The following AFAP1L1 variants were observed in gnomAD, a reference collection of about 807,000 sequenced individuals.
AFAP1L1 encodes the protein actin filament-associated protein 1-like 1.
Under a neutral mutation model 99.8 loss-of-function variants are expected in AFAP1L1, and 77 were observed. The observed-to-expected ratio is 0.77, with a 90% CI of 0.64 to 0.93. The LOEUF (loss-of-function observed/expected upper bound fraction) is 0.93. Among genes scored for constraint, AFAP1L1 ranks in the 40% least tolerant of loss-of-function variants. The probability of loss-of-function intolerance (pLI) is 0.00; values close to 1 mark genes in which losing one functional copy is unlikely to be tolerated. For synonymous variants in AFAP1L1, 373 were observed against 395.3 expected (o/e 0.94, Z 0.67); for missense variants, 893 against 996.8 (o/e 0.90, Z 1.40).
chr5:149,287,123 A>G (rs1425090339), intron 1 of AFAP1L1, among the ~76,000 whole-genome samples: 1 of 152,248 alleles, frequency 6.6e-6, no homozygotes, highest in Non-Finnish European at 1.5e-5. Context: ...AATAGCATGT[A>G]ACAGTCAAAA....
rs1561672922 is a variant in AFAP1L1 at position 149,307,858 on chromosome 5, T to TCTCTCTCTCTCTC, written c.747+245_747+246insCTCTCTCTCTCTC. ...TCTCTCTCTCTCTCTCTCTCTCTCT[T>TCTCTCTCTCTCTC]AAATTTAAAGACCTGGGCTAGGCAC... On this transcript the variant is annotated intron_variant, in intron 7 of 18. Coordinates refer to ENST00000296721, the MANE Select transcript of AFAP1L1 (RefSeq NM_152406.4). Among the ~76,000 whole-genome samples the TCTCTCTCTCTCTC allele has an allele frequency of 4.5e-4, 5 of 11,200 alleles. No individual in the cohort carries two copies. The East Asian group carries it at 7.9e-3, about 18-fold the overall frequency. The allele number at this position is 11,200 out of a possible 152,430, so 7.3% of individuals were successfully genotyped here.
intron 1 of AFAP1L1, among the ~76,000 whole-genome samples, chr5:149,273,827 C>G (rs978551150): frequency 6.6e-6 from 1 of 151,984 alleles, no homozygotes; most frequent in African/African-American, 2.4e-5. Flanking sequence ...CACTCCCCAC[C>G]AGTTTTTAAA....
intron 9 of AFAP1L1, among the ~76,000 whole-genome samples, chr5:149,314,052 A>T (rs1227502802): frequency 2.0e-5 from 3 of 152,198 alleles, no homozygotes; most frequent in Non-Finnish European, 4.4e-5. Flanking sequence ...ATGAGGGAAG[A>T]CGGGCACCTA....
intron 4 of AFAP1L1, 116 bp from the exon 5 acceptor site, chr5:149,302,302 A>G (rs1008450450): frequency 1.6e-6 from 1 of 643,052 alleles, no homozygotes; most frequent in African/African-American, 1.8e-5. Flanking sequence ...TATAAAAGGT[A>G]TGGCTTCACA....
chr5:149,316,431 G>A, intron 11 of AFAP1L1, 128 bp downstream of exon 11: 6 of 1,161,830 alleles, frequency 5.2e-6, no homozygotes, highest in South Asian at 3.0e-5. Flanking sequence ...CAAGCCTACT[G>A]GGAGGCTAAG....
intron 11 of AFAP1L1, among the ~76,000 whole-genome samples, chr5:149,317,407 T>G (rs1255073974): frequency 3.9e-5 from 6 of 152,210 alleles, no homozygotes; most frequent in African/African-American, 1.2e-4. Context: ...TTTCCATCTT[T>G]CAGTAACAGT....
intron 1 of AFAP1L1, among the ~76,000 whole-genome samples, chr5:149,288,144 T>C (rs1286716129): frequency 1.3e-5 from 2 of 152,068 alleles, no homozygotes; most frequent in Non-Finnish European, 2.9e-5. Context: ...TGAACATCAG[T>C]TGGGGAATGG....
At position 149,319,743 on chromosome 5, in the gene AFAP1L1, A is replaced by G. The variant is rs1160826840; in HGVS notation, c.1625+16A>G. The G allele has an allele frequency of 6.2e-7, 1 of 1,609,726 alleles. No homozygotes were observed. The highest frequency in any genetic ancestry group is 1.7e-5 in the Admixed American group (1 of 59,740). On this transcript the variant is annotated intron_variant, in intron 13 of 18. Coordinates refer to ENST00000296721, the MANE Select transcript of AFAP1L1 (RefSeq NM_152406.4). ...ACTCCTTCCTGTAAGTGTCAGCTGCACTGGCCACACCTGCCCAGGACCTTT... is the reference window on the plus strand; with the variant it reads ...ACTCCTTCCTGTAAGTGTCAGCTGCGCTGGCCACACCTGCCCAGGACCTTT...
In AFAP1L1 at chr5:149,341,940, G is replaced by T. The variant is rs1337055228; in HGVS notation, c.*1910G>T. On this transcript the variant is annotated 3_prime_UTR_variant, in exon 19 of 19. Transcript: ENST00000296721. Reference sequence around the variant, plus strand: ...CAGTGTCTGTCATACTCTTTCTTATGCAGTTATTTTGGGGTTAAGTGTCTT... The same window carrying T: ...CAGTGTCTGTCATACTCTTTCTTATTCAGTTATTTTGGGGTTAAGTGTCTT... 6.6e-6 allele frequency: 1 copy of T among 152,100 alleles called. No individual in the cohort carries two copies. The highest frequency in any genetic ancestry group is 1.9e-4 in the East Asian group (1 of 5,196). The allele number at this position is 152,100 out of a possible 1,614,324, so 9.4% of individuals were successfully genotyped here.
intron 1 of AFAP1L1, among the ~76,000 whole-genome samples, chr5:149,299,300 G>A (rs1561667253): frequency 2.6e-5 from 4 of 152,184 alleles, no homozygotes; most frequent in Admixed American, 2.0e-4. Flanking sequence ...GGGGAGACCC[G>A]GAGAAACACC....
intron 3 of AFAP1L1, 25 bp downstream of exon 3, chr5:149,300,379 G>A (rs756068750): frequency 6.3e-7 from 1 of 1,597,426 alleles, no homozygotes; most frequent in South Asian, 1.1e-5. Context: ...CCCAACCTCA[G>A]CTACGGAGCC....
rs1757589027 is a variant in AFAP1L1, at chr5:149,342,705, A to G, written c.*2675A>G. ...AGCGGGTGGATCACTTGAGGTCAGG[A>G]GTTCAAGACCAGCCTGGCCAACATG... On this transcript the variant is annotated 3_prime_UTR_variant, in exon 19 of 19. Coordinates refer to ENST00000296721, the MANE Select transcript of AFAP1L1 (RefSeq NM_152406.4). Among the ~76,000 whole-genome samples the G allele has an allele frequency of 1.3e-5, 2 of 152,196 alleles. No homozygotes were observed. The highest frequency in any genetic ancestry group is 1.3e-4 in the Admixed American group (2 of 15,290).
At chr5:149,296,860 A>G (rs1323658522) in intron 1 of AFAP1L1, among the ~76,000 whole-genome samples, 6 of 152,220 alleles carry the variant, frequency 3.9e-5, no homozygotes, top group Admixed American at 3.3e-4. Flanking sequence ...GAAACTTACA[A>G]TCATGTCAGA....
At chr5:149,306,506 AC>A in intron 6 of AFAP1L1, 102 bp downstream of exon 6, 1 of 1,091,466 alleles carries the variant, frequency 9.2e-7, no homozygotes, top group Non-Finnish European at 1.3e-6. Context: ...CCAGCCCCTC[AC>A]CCAGACCATG....
In AFAP1L1 at chr5:149,320,407, C is replaced by G; in HGVS notation, c.1642C>G (p.Gln548Glu). Residue 548 changes from glutamine to glutamate, a missense_variant, in exon 14 of 19, where the codon CAG (glutamine) becomes GAG (glutamate). By Grantham distance (29) the Gln-to-Glu change is conservative. Transcript: ENST00000296721. The surrounding 1 kb of genome is among the most constrained non-coding windows in gnomAD (Gnocchi z 4.0). The part of the protein sequence containing the change: ...RNSFLYARSC[Q>E]NQWPEPRVYD... ...ATTTTCTAGATATGCAAGATCCTGC[C>G]AGAATCAGTGGCCTGAGCCCCGAGT... The G allele has an allele frequency of 6.2e-7, 1 of 1,614,124 alleles. No homozygotes were observed. The highest frequency in any genetic ancestry group is 8.5e-7 in the Non-Finnish European group (1 of 1,180,016).
In AFAP1L1 at chr5:149,312,118, C is replaced by G. The variant is rs376857041; in HGVS notation, c.934C>G (p.Arg312Gly). ...CTGTGTGTCCTCTTCACAGGTCATC[C>G]GAGAAGTGAGCAAGCCAGTTGGGGG... ...EQAEEWLKVI[R>G]EVSKPVGGAE... is the part of the protein sequence containing the mutation. The change falls in exon 9 of 19, where the codon CGA (arginine) becomes GGA (glycine). Residue 312 changes from arginine (R) to glycine (G), a missense_variant. By Grantham distance (125) the Arg-to-Gly change is moderately radical. Coordinates refer to ENST00000296721, the MANE Select transcript of AFAP1L1 (RefSeq NM_152406.4). 1 of 1,613,420 alleles carries G rather than the reference C, an allele frequency of 6.2e-7. No homozygotes were observed. Among genetic ancestry groups the G allele is most frequent in the Admixed American group, 1.7e-5 (1 of 60,018 alleles).
intron 3 of AFAP1L1, among the ~76,000 whole-genome samples, 164 bp from the exon 4 acceptor site, chr5:149,300,969 C>T (rs1427961107): frequency 2.0e-5 from 3 of 152,228 alleles, no homozygotes; most frequent in African/African-American, 7.2e-5. Flanking sequence ...CCACCACGTA[C>T]AGATGAGTTT....
chr5:149,287,375 G>A (rs952908137), intron 1 of AFAP1L1, among the ~76,000 whole-genome samples: 1 of 152,096 alleles, frequency 6.6e-6, no homozygotes, highest in African/African-American at 2.4e-5. Context: ...AGGCAGGAGG[G>A]CGGGATCATA....
chr5:149,276,082 T>C (rs563275135), intron 1 of AFAP1L1, among the ~76,000 whole-genome samples: 2 of 152,370 alleles, frequency 1.3e-5, no homozygotes, highest in East Asian at 3.9e-4. Context: ...TTAAGCTTGC[T>C]GCTGACTGCC....
Sources: allele counts gnomAD v4.1 joint callset (sites outside exome capture counted in the v4.1 genomes callset), GRCh38; gene constraint gnomAD v4.1.1; non-coding constraint Gnocchi (gnomAD v3.1); transcripts MANE v1.5; gene names NCBI Gene and HGNC (gene_info 2026-07-23, HGNC 2026-07-21).